VSIG10: variants seen among roughly 807,000 people sequenced by gnomAD.
The protein encoded by VSIG10 is V-set and immunoglobulin domain containing 10.
A neutral mutation model predicts 58.7 loss-of-function variants in VSIG10; 48 were observed. The ratio of observed to expected loss-of-function variants is 0.82; its 90% CI spans 0.65 to 1.04. VSIG10 has a LOEUF of 1.04. Among genes scored for constraint, VSIG10 ranks in the 50% least tolerant of loss-of-function variants. The probability of loss-of-function intolerance (pLI) is 0.00; values close to 1 mark genes in which losing one functional copy is unlikely to be tolerated. For missense variants in VSIG10, 628 were observed against 670.0 expected (o/e 0.94, Z 0.69); for synonymous variants, 260 against 267.1 (o/e 0.97, Z 0.26).
chr12:118,102,923 T>A (rs971459123), intron 1 of VSIG10: 2 of 152,194 alleles, frequency 1.3e-5, no homozygotes, highest in African/African-American at 4.8e-5. Context: ...ATTCTACATA[T>A]TTTTGTAAGC....
In VSIG10 at chr12:118,073,905, G is replaced by T; in HGVS notation, c.1013C>A (p.Pro338His). ...TLTCQVSGAY[P>H]PAKILWLRNL... is the part of the protein sequence containing the mutation. ...CCTCAGCCACAGGATCTTGGCAGGG[G>T]GGTAGGCCCCAGACACCTGGCATGT... The change falls in exon 5 of 9, where the codon CCC becomes CAC. Residue 338 changes from proline to histidine, a missense_variant. Transcript: ENST00000359236. 6.2e-7 allele frequency: 1 copy of T among 1,613,790 alleles called. No homozygotes were observed. The highest frequency in any genetic ancestry group is 8.5e-7 in the Non-Finnish European group (1 of 1,179,778).
At chr12:118,088,174 G>A (rs757288823) in intron 2 of VSIG10, among the ~76,000 whole-genome samples, 14 of 151,496 alleles carry the variant, frequency 9.2e-5, no homozygotes, top group Non-Finnish European at 1.8e-4. Flanking sequence ...GAACCCGGGA[G>A]GCGGAGGCTG....
At chr12:118,070,384 C>T (rs2032438656) in intron 7 of VSIG10, among the ~76,000 whole-genome samples, 2 of 151,846 alleles carry the variant, frequency 1.3e-5, no homozygotes. Flanking sequence ...CCTGTCTCTA[C>T]TAAAAATACA....
chr12:118,083,218 G>A (rs566341263), intron 2 of VSIG10, among the ~76,000 whole-genome samples: 9 of 149,562 alleles, frequency 6.0e-5, no homozygotes, highest in African/African-American at 2.2e-4. Context: ...GAGGTAGGAG[G>A]ATCACTTGAG....
At chr12:118,102,223 T>G (rs2033640019) in intron 1 of VSIG10, 1 of 152,230 alleles carries the variant, frequency 6.6e-6, no homozygotes, top group South Asian at 2.1e-4. Context: ...TTCTTCTCAC[T>G]TCCCAGGTTC....
intron 8 of VSIG10, 82 bp from the exon 9 acceptor site, chr12:118,066,776 A>C: frequency 7.0e-7 from 1 of 1,427,532 alleles, no homozygotes; most frequent in East Asian, 2.4e-5. Flanking sequence ...CATCTCAGTG[A>C]TTTCTAGTCC....
At chr12:118,094,101 CAT>C (rs1220389501) in intron 2 of VSIG10, among the ~76,000 whole-genome samples, 2 of 151,968 alleles carry the variant, frequency 1.3e-5, no homozygotes, top group African/African-American at 2.4e-5. Flanking sequence ...GACTTGACTC[CAT>C]ATGTTTTTTT....
At chr12:118,087,837 C>CAAAAA (rs10654315) in intron 2 of VSIG10, among the ~76,000 whole-genome samples, 13 of 62,592 alleles carry the variant, frequency 2.1e-4, no homozygotes, top group Admixed American at 9.4e-4. Flanking sequence ...GATCCTGTCT[C>CAAAAA]AAAAAAAAAA....
chr12:118,096,224 C>A (rs1566178014), intron 1 of VSIG10, among the ~76,000 whole-genome samples: 1 of 152,186 alleles, frequency 6.6e-6, no homozygotes, highest in East Asian at 1.9e-4. Context: ...GGGCGGATCA[C>A]AAGGTCAAGA....
At chr12:118,097,667 A>G (rs898533132) in intron 1 of VSIG10, among the ~76,000 whole-genome samples, 5 of 150,884 alleles carry the variant, frequency 3.3e-5, no homozygotes, top group African/African-American at 1.2e-4. Context: ...CCACGCCTGT[A>G]ATCCCAGCAC....
chr12:118,071,140 A>G, intron 6 of VSIG10, 73 bp from the exon 7 acceptor site: 1 of 1,509,258 alleles, frequency 6.6e-7, no homozygotes, highest in Non-Finnish European at 9.1e-7. Context: ...TAATCAGGCA[A>G]ACATTTACTA....
chr12:118,068,372 C>T lies in VSIG10; in HGVS notation c.1567+5G>A. The T allele has an allele frequency of 6.2e-7, 1 of 1,612,060 alleles. No individual in the cohort carries two copies. Among genetic ancestry groups the T allele is most frequent in the Non-Finnish European group, 8.5e-7 (1 of 1,179,086 alleles). Reference sequence around the variant, plus strand: ...TGTTTGTTTGTTTAAGGAAAAAGAGCTTACCTTGAAGATCCTGGAATCCAT... The same window carrying T: ...TGTTTGTTTGTTTAAGGAAAAAGAGTTTACCTTGAAGATCCTGGAATCCAT... On this transcript the variant is annotated splice_donor_5th_base_variant and intron_variant, in intron 8 of 8. Coordinates refer to ENST00000359236, the MANE Select transcript of VSIG10 (RefSeq NM_019086.6).
chr12:118,077,218 T>G (rs772852675), intron 4 of VSIG10, among the ~76,000 whole-genome samples: 2 of 152,138 alleles, frequency 1.3e-5, no homozygotes, highest in African/African-American at 4.8e-5. Flanking sequence ...GCCAAGTTTG[T>G]TTCCACCTCA....
At chr12:118,071,206 G>A (rs903577699) in intron 6 of VSIG10, 139 bp from the exon 7 acceptor site, 1 of 1,190,690 alleles carries the variant, frequency 8.4e-7, no homozygotes, top group Non-Finnish European at 1.2e-6. Context: ...GTCCCGGGAT[G>A]GTACTTAGGT....
chr12:118,099,234 G>A (rs1040647198), intron 1 of VSIG10, among the ~76,000 whole-genome samples: 2 of 151,590 alleles, frequency 1.3e-5, no homozygotes, highest in Admixed American at 1.3e-4. Flanking sequence ...AGCCTGGGCA[G>A]CAGAGATACC....
At chr12:118,095,857 C>G in intron 1 of VSIG10, 43 bp from the exon 2 acceptor site, 2 of 1,556,302 alleles carry the variant, frequency 1.3e-6, no homozygotes, top group Non-Finnish European at 1.7e-6. Flanking sequence ...TTCTTAATTT[C>G]TAAACAATGT....
chr12:118,091,486 T>C (rs549183833), intron 2 of VSIG10, among the ~76,000 whole-genome samples: 73 of 145,790 alleles, frequency 5.0e-4, no homozygotes, highest in African/African-American at 1.7e-3. Context: ...AGCAAGACTC[T>C]GTCTCAAAAA....
chr12:118,089,185 G>C (rs375514636), intron 2 of VSIG10, among the ~76,000 whole-genome samples: 3 of 152,196 alleles, frequency 2.0e-5, no homozygotes, highest in East Asian at 3.9e-4. Flanking sequence ...CTGACCTCAA[G>C]TGATCCACCC....
intron 2 of VSIG10, among the ~76,000 whole-genome samples, chr12:118,086,417 G>A (rs1293076558): frequency 3.9e-5 from 6 of 151,986 alleles, no homozygotes; most frequent in African/African-American, 7.3e-5. Context: ...GCCATGAGCC[G>A]AGATCATGCC....
Sources: allele counts gnomAD v4.1 joint callset (sites outside exome capture counted in the v4.1 genomes callset), GRCh38; gene constraint gnomAD v4.1.1; transcripts MANE v1.5; gene names NCBI Gene and HGNC (gene_info 2026-07-23, HGNC 2026-07-21).